EYA1: variants seen among roughly 807,000 people sequenced by gnomAD.
EYA1 encodes protein phosphatase EYA1.
EYA1 carries 16 observed loss-of-function variants against 82.0 expected under a neutral mutation model. The ratio of observed to expected loss-of-function variants is 0.20; its 90% CI spans 0.13 to 0.30. The LOEUF (loss-of-function observed/expected upper bound fraction) is 0.30. EYA1 is among the 10% of genes least tolerant of loss of function. The pLI is 1.00. For missense variants in EYA1, 633 were observed against 730.7 expected (o/e 0.87, Z 1.54); for synonymous variants, 261 against 264.4 (o/e 0.99, Z 0.12).
chr8:71,252,858 A>G (rs373851793), intron 11 of EYA1, among the ~76,000 whole-genome samples: 86 of 152,162 alleles, frequency 5.7e-4, no homozygotes, highest in African/African-American at 2.0e-3. Context: ...TGCTTATACC[A>G]TTTAATCATT....
intron 2 of EYA1, among the ~76,000 whole-genome samples, chr8:71,516,956 C>A (rs1436067082): frequency 1.3e-5 from 2 of 152,112 alleles, no homozygotes; most frequent in Non-Finnish European, 2.9e-5. Flanking sequence ...GTTCTATCCA[C>A]TGCACAACTT....
At chr8:71,507,697 A>G (rs1421938578) in intron 2 of EYA1, among the ~76,000 whole-genome samples, 1 of 152,264 alleles carries the variant, frequency 6.6e-6, no homozygotes, top group Admixed American at 6.5e-5. Flanking sequence ...GCAGTCTTCT[A>G]TCCACTAATA....
intron 3 of EYA1, among the ~76,000 whole-genome samples, chr8:71,341,040 G>C (rs1485763111): frequency 6.6e-6 from 1 of 152,136 alleles, no homozygotes. Flanking sequence ...CTCATTTACA[G>C]GACATGTGTC....
At chr8:71,338,415 A>AT (rs35978071) in intron 3 of EYA1, among the ~76,000 whole-genome samples, 1 of 152,190 alleles carries the variant, frequency 6.6e-6, no homozygotes, top group Non-Finnish European at 1.5e-5. Context: ...TTTTTCTGAC[A>AT]TTTTTTAGGG....
At chr8:71,451,843 C>G (rs561246951) in intron 2 of EYA1, among the ~76,000 whole-genome samples, 2 of 152,292 alleles carry the variant, frequency 1.3e-5, no homozygotes, top group East Asian at 3.9e-4. Context: ...CCAGTGTGAG[C>G]GACGCAGAAG....
At chr8:71,440,725 T>C (rs1013062474) in intron 2 of EYA1, among the ~76,000 whole-genome samples, 2 of 152,110 alleles carry the variant, frequency 1.3e-5, no homozygotes, top group Non-Finnish European at 2.9e-5. Context: ...TGTGTGTCAT[T>C]AGAGATACAA....
intron 2 of EYA1, among the ~76,000 whole-genome samples, chr8:71,381,199 A>C (rs1828682876): frequency 6.6e-6 from 1 of 152,244 alleles, no homozygotes; most frequent in Non-Finnish European, 1.5e-5. Context: ...TGCCAGTGGC[A>C]CCAGGCCTGT....
chr8:71,275,479 G>A (rs140314019), intron 9 of EYA1, among the ~76,000 whole-genome samples: 2 of 152,156 alleles, frequency 1.3e-5, no homozygotes, highest in African/African-American at 4.8e-5. Flanking sequence ...AAGAAATATG[G>A]GCTGGGTTTA....
intron 2 of EYA1, among the ~76,000 whole-genome samples, chr8:71,381,034 A>G (rs1185646327): frequency 6.6e-6 from 1 of 152,142 alleles, no homozygotes; most frequent in East Asian, 1.9e-4. Context: ...AGGTCTTAAA[A>G]CCCTTCAACA....
At chr8:71,516,275 T>C (rs770116817) in intron 2 of EYA1, among the ~76,000 whole-genome samples, 8 of 152,314 alleles carry the variant, frequency 5.3e-5, no homozygotes, top group Non-Finnish European at 7.4e-5. Context: ...AGAAACAGGA[T>C]AGGGTATTCC....
At chr8:71,512,882 A>G (rs1812702940) in intron 2 of EYA1, among the ~76,000 whole-genome samples, 1 of 152,188 alleles carries the variant, frequency 6.6e-6, no homozygotes, top group African/African-American at 2.4e-5. Flanking sequence ...GATAGAGAAA[A>G]CTATCAAATG....
intron 4 of EYA1, among the ~76,000 whole-genome samples, chr8:71,331,057 C>G (rs1452454950): frequency 6.6e-6 from 1 of 151,792 alleles, no homozygotes; most frequent in African/African-American, 2.4e-5. Context: ...GGTGAAACCC[C>G]ATCTCTACTA....
At chr8:71,244,732 C>G in intron 11 of EYA1, 40 bp from the exon 12 acceptor site, 2 of 1,185,240 alleles carry the variant, frequency 1.7e-6, no homozygotes, top group Non-Finnish European at 2.5e-6. Context: ...ATGTATACTT[C>G]AGGTTACATG....
chr8:71,233,366 C>T (rs988942224), intron 12 of EYA1, among the ~76,000 whole-genome samples: 1 of 151,866 alleles, frequency 6.6e-6, no homozygotes, highest in Non-Finnish European at 1.5e-5. Flanking sequence ...AGATCGAGAC[C>T]ATCCTGGCTA....
chr8:71,479,190 C>T (rs1809911815), intron 2 of EYA1, among the ~76,000 whole-genome samples: 1 of 152,154 alleles, frequency 6.6e-6, no homozygotes, highest in Admixed American at 6.5e-5. Context: ...TACCAATGCA[C>T]TCAGCATGCT....
chr8:71,355,855 G>A (rs1025416698), intron 2 of EYA1, among the ~76,000 whole-genome samples: 1 of 152,154 alleles, frequency 6.6e-6, no homozygotes, highest in African/African-American at 2.4e-5. Flanking sequence ...TATTAGTGAA[G>A]AGAGAATTTA....
At chr8:71,241,095 G>T (rs1234226139) in intron 12 of EYA1, among the ~76,000 whole-genome samples, 1 of 152,174 alleles carries the variant, frequency 6.6e-6, no homozygotes, top group East Asian at 1.9e-4. Context: ...AACTAAAGTC[G>T]AAACCCTTCT....
At chr8:71,431,863 T>C (rs1360045710) in intron 2 of EYA1, among the ~76,000 whole-genome samples, 1 of 152,134 alleles carries the variant, frequency 6.6e-6, no homozygotes, top group African/African-American at 2.4e-5. Flanking sequence ...CTTCACAGGC[T>C]CCCCTATGAT....
At chr8:71,504,891 T>C (rs906539861) in intron 2 of EYA1, among the ~76,000 whole-genome samples, 1 of 152,172 alleles carries the variant, frequency 6.6e-6, no homozygotes, top group African/African-American at 2.4e-5. Context: ...AACCTCTGCC[T>C]CCCGGGCTCA....
Sources: allele counts gnomAD v4.1 joint callset (sites outside exome capture counted in the v4.1 genomes callset), GRCh38; gene constraint gnomAD v4.1.1; transcripts MANE v1.5; gene names NCBI Gene and HGNC (gene_info 2026-07-23, HGNC 2026-07-21).